Variants in ANKFN1 observed in about 807,000 individuals in gnomAD.
ANKFN1 encodes ankyrin repeat and fibronectin type III domain containing 1.
In ANKFN1, 74 loss-of-function variants were observed where a neutral mutation model predicts 108.7. That is an observed-to-expected ratio of 0.68 (90% CI 0.56 to 0.83). The LOEUF (loss-of-function observed/expected upper bound fraction) is 0.83, where lower values mean the gene tolerates loss of function less well. Among genes scored for constraint, ANKFN1 ranks in the 40% least tolerant of loss-of-function variants. The pLI, the probability that ANKFN1 is intolerant of heterozygous loss-of-function variation, is 0.00. For missense variants in ANKFN1, 1,505 were observed against 1,382.3 expected, an observed-to-expected ratio of 1.09 and a Z score of -1.41; for synonymous variants, 547 against 516.2, an observed-to-expected ratio of 1.06 and a Z score of -0.81.
At chr17:56,112,102 T>C (rs1181155093) in intron 4 of ANKFN1, among the ~76,000 whole-genome samples, 6 of 152,248 alleles carry the variant, frequency 3.9e-5, no homozygotes, top group Admixed American at 1.3e-4. Flanking sequence ...TATAGTGATA[T>C]AAAAATTATT....
chr17:56,286,020 T>G (rs1158849863), intron 3 of ANKFN1, among the ~76,000 whole-genome samples: 1 of 152,140 alleles, frequency 6.6e-6, no homozygotes, highest in East Asian at 1.9e-4. Flanking sequence ...AAAAAAAATG[T>G]ATAAAGCATC....
At chr17:56,197,145 T>C (rs953461489) in intron 1 of ANKFN1, among the ~76,000 whole-genome samples, 1 of 152,234 alleles carries the variant, frequency 6.6e-6, no homozygotes, top group African/African-American at 2.4e-5. Context: ...TCATGCTGTT[T>C]AGTACAGCGT....
rs144284428 is a variant in ANKFN1 at position 56,321,265 on chromosome 17, T to C, written c.54-4956T>C. On this transcript the variant is annotated intron_variant, in intron 3 of 20. Coordinates refer to ENST00000682825, the MANE Select transcript of ANKFN1 (RefSeq NM_001370326.1). ...TCTTTTCCTATTTTTTTGTCTCCTTTTTAGCAGCTTTCGGTAAGTAGCACA... is the reference window on the plus strand; with the variant it reads ...TCTTTTCCTATTTTTTTGTCTCCTTCTTAGCAGCTTTCGGTAAGTAGCACA... 5.4e-3 allele frequency among the ~76,000 whole-genome samples: 825 copies of C among 152,164 alleles called. 10 individuals carry two copies. Among genetic ancestry groups the C allele is most frequent in the African/African-American group, 0.019 (791 of 41,504 alleles).
chr17:56,097,038 C>T (rs921934812), intron 4 of ANKFN1, among the ~76,000 whole-genome samples: 1 of 152,048 alleles, frequency 6.6e-6, no homozygotes, highest in Non-Finnish European at 1.5e-5. Context: ...CACATATACT[C>T]GATTATAAGT....
At chr17:56,415,247 G>A (rs1445635584) in intron 8 of ANKFN1, among the ~76,000 whole-genome samples, 1 of 152,108 alleles carries the variant, frequency 6.6e-6, no homozygotes, top group African/African-American at 2.4e-5. Context: ...CAGTCAAATT[G>A]GAAAGGGAGA....
chr17:56,173,630 AT>A (rs920300307), intron 1 of ANKFN1, among the ~76,000 whole-genome samples: 1 of 151,166 alleles, frequency 6.6e-6, no homozygotes, highest in Non-Finnish European at 1.5e-5. Context: ...GCTATTTTTT[AT>A]TTTCTTTTTT....
intron 4 of ANKFN1, among the ~76,000 whole-genome samples, chr17:56,327,057 T>A (rs1335063435): frequency 6.6e-6 from 1 of 152,184 alleles, no homozygotes; most frequent in Non-Finnish European, 1.5e-5. Context: ...ATGTTCTAAG[T>A]ATCCAGTTAC....
chr17:56,165,248 A>G (rs1040243814), intron 1 of ANKFN1, among the ~76,000 whole-genome samples: 2 of 152,134 alleles, frequency 1.3e-5, no homozygotes, highest in Admixed American at 6.5e-5. Flanking sequence ...TATCTAGCTC[A>G]TGGCTTACCA....
At position 56,363,046 on chromosome 17, in the gene ANKFN1, T is replaced by C. The variant is rs2074200476; in HGVS notation, c.601+9000T>C. Among the ~76,000 whole-genome samples the C allele has an allele frequency of 2.0e-5, 3 of 151,838 alleles. No individual in the cohort carries two copies. In the South Asian group the frequency reaches 6.2e-4, roughly 32 times the overall value. On this transcript the variant is annotated intron_variant, in intron 6 of 20. Coordinates refer to ENST00000682825, the MANE Select transcript of ANKFN1 (RefSeq NM_001370326.1). ...CAACATGGTGAAACTCCATCTCTAC[T>C]AAAAATACAAAAATTTGCTGAGCAT...
At chr17:56,232,339 T>G (rs1916798995) in intron 3 of ANKFN1, among the ~76,000 whole-genome samples, 1 of 152,026 alleles carries the variant, frequency 6.6e-6, no homozygotes, top group South Asian at 2.1e-4. Flanking sequence ...AAAAAGAAAT[T>G]CTCGTTCTGG....
At chr17:56,209,478 C>CA (rs1914800351) in intron 1 of ANKFN1, among the ~76,000 whole-genome samples, 1 of 152,150 alleles carries the variant, frequency 6.6e-6, no homozygotes, top group African/African-American at 2.4e-5. Context: ...GTCAAAGAGA[C>CA]AGATTGTCAA....
intron 10 of ANKFN1, among the ~76,000 whole-genome samples, chr17:56,446,170 G>A (rs750119348): frequency 1.3e-5 from 2 of 152,118 alleles, no homozygotes; most frequent in African/African-American, 4.8e-5. Flanking sequence ...GATGGAGCTC[G>A]CCTCTGATGT....
chr17:56,119,704 AC>A (rs1906494780), intron 4 of ANKFN1, among the ~76,000 whole-genome samples: 2 of 152,152 alleles, frequency 1.3e-5, no homozygotes, highest in Non-Finnish European at 1.5e-5. Context: ...TTTTGCCTGC[AC>A]CTTTTGTGTA....
intron 3 of ANKFN1, among the ~76,000 whole-genome samples, chr17:56,238,397 T>A (rs1274505708): frequency 6.6e-6 from 1 of 152,130 alleles, no homozygotes; most frequent in Non-Finnish European, 1.5e-5. Flanking sequence ...CCACTATTAT[T>A]GTGTGCGAAT....
chr17:56,071,805 A>G (rs1023020014), intron 4 of ANKFN1, among the ~76,000 whole-genome samples: 1 of 152,228 alleles, frequency 6.6e-6, no homozygotes, highest in Non-Finnish European at 1.5e-5. Context: ...GCAATTTCAT[A>G]AGAAATGGAT....
chr17:56,298,898 G>A (rs991491857), intron 3 of ANKFN1, among the ~76,000 whole-genome samples: 3 of 152,166 alleles, frequency 2.0e-5, no homozygotes, highest in Non-Finnish European at 4.4e-5. Flanking sequence ...GGAGAGTTAA[G>A]TTCTAAAATC....
At chr17:56,139,896 G>C (rs1027428669) in intron 4 of ANKFN1, among the ~76,000 whole-genome samples, 1 of 152,060 alleles carries the variant, frequency 6.6e-6, no homozygotes, top group Non-Finnish European at 1.5e-5. Flanking sequence ...TTGATTATTA[G>C]TTAATCCATT....
chr17:56,352,092 G>C (rs1281918081), intron 5 of ANKFN1, among the ~76,000 whole-genome samples: 2 of 152,128 alleles, frequency 1.3e-5, no homozygotes, highest in Non-Finnish European at 2.9e-5. Context: ...TCATCTTTTG[G>C]GAGGACTTGG....
At chr17:56,244,501 T>G (rs1406387381) in intron 3 of ANKFN1, among the ~76,000 whole-genome samples, 1 of 152,176 alleles carries the variant, frequency 6.6e-6, no homozygotes, top group Non-Finnish European at 1.5e-5. Context: ...AGAATGAAAT[T>G]ACTCAGCTTA....
Sources: gnomAD v4.1 joint callset for allele counts (sites outside exome capture counted in the v4.1 genomes callset) on GRCh38, gnomAD v4.1.1 for gene constraint, MANE v1.5 for transcripts, NCBI Gene and HGNC (gene_info 2026-07-23, HGNC 2026-07-21) for gene names.